XPO6: variants seen among roughly 807,000 people sequenced by gnomAD.
XPO6 encodes exportin 6.
In XPO6, 3 loss-of-function variants were observed where a neutral mutation model predicts 130.0. That is an observed-to-expected ratio of 0.02 (90% CI 0.01 to 0.06). The LOEUF (loss-of-function observed/expected upper bound fraction) is 0.06. XPO6 is among the 10% of genes least tolerant of loss of function. The probability of loss-of-function intolerance (pLI) is 1.00; values close to 1 mark genes in which losing one functional copy is unlikely to be tolerated. For missense variants in XPO6, 970 were observed against 1,393.0 expected (o/e 0.70, Z 4.83); for synonymous variants, 524 against 548.9 (o/e 0.95, Z 0.63).
At chr16:28,135,124 T>A (rs2042749714) in intron 10 of XPO6, 92 bp downstream of exon 10, 1 of 1,031,722 alleles carries the variant, frequency 9.7e-7, no homozygotes, top group Non-Finnish European at 1.5e-6. Flanking sequence ...CAGAACAGTC[T>A]TCGGAGCAGA....
At chr16:28,210,127 T>A (rs1392858791) in intron 1 of XPO6, among the ~76,000 whole-genome samples, 1 of 152,128 alleles carries the variant, frequency 6.6e-6, no homozygotes, top group East Asian at 1.9e-4. Flanking sequence ...AGACCCTGTC[T>A]CAAAACAAAT....
chr16:28,180,468 AG>A (rs1293733771), intron 2 of XPO6, among the ~76,000 whole-genome samples: 1 of 152,194 alleles, frequency 6.6e-6, no homozygotes, highest in Non-Finnish European at 1.5e-5. Context: ...GGGCACTATT[AG>A]GTTCAGATCA....
At chr16:28,209,255 T>C (rs1426795469) in intron 1 of XPO6, 2 of 152,244 alleles carry the variant, frequency 1.3e-5, no homozygotes, top group Non-Finnish European at 2.9e-5. Flanking sequence ...ACAATGTGAA[T>C]GTTCTTAATT....
chr16:28,135,966 T>G (rs2042766981), intron 9 of XPO6, among the ~76,000 whole-genome samples: 1 of 152,218 alleles, frequency 6.6e-6, no homozygotes, highest in African/African-American at 2.4e-5. Context: ...ACTAAGTATT[T>G]TCAAGTTATG....
chr16:28,144,746 T>C (rs2042954563), intron 9 of XPO6, among the ~76,000 whole-genome samples: 1 of 152,218 alleles, frequency 6.6e-6, no homozygotes, highest in African/African-American at 2.4e-5. Flanking sequence ...ACTTGCAGTG[T>C]GCCAAGCATT....
At chr16:28,134,698 C>A (rs970109341) in intron 10 of XPO6, among the ~76,000 whole-genome samples, 4 of 152,222 alleles carry the variant, frequency 2.6e-5, no homozygotes, top group Non-Finnish European at 4.4e-5. Context: ...AAAAAAAACA[C>A]TGGAATTGTT....
chr16:28,166,732 G>A (rs1229566716), intron 5 of XPO6, 147 bp from the exon 6 acceptor site: 2 of 1,471,012 alleles, frequency 1.4e-6, no homozygotes, highest in African/African-American at 2.8e-5. Context: ...GCTAGCGGCT[G>A]TGCCTCTCGA....
At chr16:28,118,777 C>T (rs538570597) in intron 14 of XPO6, among the ~76,000 whole-genome samples, 3 of 152,314 alleles carry the variant, frequency 2.0e-5, no homozygotes, top group Admixed American at 2.0e-4. Context: ...CCCTTTCAAG[C>T]TGGGTCCTGC....
At chr16:28,104,859 TC>T in intron 20 of XPO6, 152 bp from the exon 21 acceptor site, 1 of 875,984 alleles carries the variant, frequency 1.1e-6, no homozygotes, top group Non-Finnish European at 1.7e-6. Flanking sequence ...GCAAAAGACA[TC>T]CAGCCCCTGG....
intron 1 of XPO6, among the ~76,000 whole-genome samples, chr16:28,191,242 T>C (rs1377796697): frequency 6.6e-6 from 1 of 152,224 alleles, no homozygotes; most frequent in Non-Finnish European, 1.5e-5. Flanking sequence ...CTAAAATACA[T>C]ATATTTTATA....
intron 17 of XPO6, among the ~76,000 whole-genome samples, chr16:28,110,384 C>T (rs1034868619): frequency 6.6e-6 from 1 of 152,224 alleles, no homozygotes; most frequent in African/African-American, 2.4e-5. Context: ...AGAACCACTA[C>T]GCAATTCACC....
In XPO6 at chr16:28,101,776, G is replaced by A. The variant is rs2086660570; in HGVS notation, c.3045+71C>T. 6.3e-7 allele frequency: 1 copy of A among 1,589,576 alleles called. No individual in the cohort carries two copies. The highest frequency in any genetic ancestry group is 8.6e-7 in the Non-Finnish European group (1 of 1,162,864). On this transcript the variant is annotated intron_variant, in intron 22 of 23. Coordinates refer to ENST00000304658, the MANE Select transcript of XPO6 (RefSeq NM_015171.4). The surrounding 1 kb of genome is among the most constrained non-coding windows in gnomAD (Gnocchi z 5.4). ...CACTTTCTGTCACACTCTCCAGTGA[G>A]TAACCTGAGGGTGGGACACAGGCCA...
rs2043546515 is a variant in XPO6, at chr16:28,177,138, A to T, written c.207+82T>A. Reference sequence around the variant, plus strand: ...CTGAGCTACCCTCTCCCAGCACATTACAGCTCTAGTCTAGTGCTAATGATA... The same window carrying T: ...CTGAGCTACCCTCTCCCAGCACATTTCAGCTCTAGTCTAGTGCTAATGATA... On this transcript the variant is annotated intron_variant, in intron 3 of 23. Coordinates refer to ENST00000304658, the MANE Select transcript of XPO6 (RefSeq NM_015171.4). The T allele has an allele frequency of 3.5e-6, 3 of 860,188 alleles. No individual in the cohort carries two copies. In the Admixed American group the frequency reaches 8.5e-5, roughly 24 times the overall value. 53.3% of individuals were successfully genotyped at this position (860,188 alleles called of 1,614,324 possible).
At chr16:28,127,786 G>C (rs892629439) in intron 12 of XPO6, among the ~76,000 whole-genome samples, 2 of 152,210 alleles carry the variant, frequency 1.3e-5, no homozygotes, top group Non-Finnish European at 2.9e-5. Flanking sequence ...AGGAGCAGGA[G>C]AACGAAAGAA....
intron 4 of XPO6, among the ~76,000 whole-genome samples, chr16:28,171,653 A>C (rs1401368939): frequency 6.6e-6 from 1 of 152,154 alleles, no homozygotes; most frequent in East Asian, 1.9e-4. Flanking sequence ...GATGTGTTTA[A>C]AATGCTCTCT....
chr16:28,177,135 A>G, intron 3 of XPO6, 85 bp downstream of exon 3: 2 of 840,202 alleles, frequency 2.4e-6, no homozygotes, highest in South Asian at 3.7e-5. Flanking sequence ...CTCCCAGCAC[A>G]TTACAGCTCT....
chr16:28,182,275 T>C (rs190719206), intron 1 of XPO6, among the ~76,000 whole-genome samples: 9 of 152,262 alleles, frequency 5.9e-5, no homozygotes, highest in Non-Finnish European at 1.2e-4. Flanking sequence ...CGTCGGGTGA[T>C]TGACTTTGTG....
At chr16:28,144,900 A>C (rs947115494) in intron 9 of XPO6, among the ~76,000 whole-genome samples, 1 of 152,224 alleles carries the variant, frequency 6.6e-6, no homozygotes, top group Non-Finnish European at 1.5e-5. Flanking sequence ...ACCAGGATCC[A>C]AACATAGGTC....
intron 4 of XPO6, among the ~76,000 whole-genome samples, chr16:28,173,312 T>C (rs2043484363): frequency 6.6e-6 from 1 of 152,208 alleles, no homozygotes; most frequent in Admixed American, 6.5e-5. Context: ...TATATGCCAT[T>C]GTCTAGTTCA....
Sources: gnomAD v4.1 joint callset for allele counts (sites outside exome capture counted in the v4.1 genomes callset) on GRCh38, gnomAD v4.1.1 for gene constraint, Gnocchi (gnomAD v3.1) non-coding constraint, MANE v1.5 for transcripts, NCBI Gene and HGNC (gene_info 2026-07-23, HGNC 2026-07-21) for gene names.